The following THADA variants were observed in gnomAD, a reference collection of about 807,000 sequenced individuals.
THADA encodes THADA armadillo repeat containing.
THADA carries 213 observed loss-of-function variants against 219.8 expected under a neutral mutation model. The ratio of observed to expected loss-of-function variants is 0.97; its 90% CI spans 0.87 to 1.09. THADA has a LOEUF of 1.09. THADA is among the 50% of genes least tolerant of loss of function. The pLI is 0.00. For missense variants in THADA, 2,956 were observed against 2,311.3 expected, an observed-to-expected ratio of 1.28 and a Z score of -5.72; for synonymous variants, 1,018 against 828.9, an observed-to-expected ratio of 1.23 and a Z score of -3.92.
At chr2:43,507,540 C>G (rs1681370117) in intron 23 of THADA, among the ~76,000 whole-genome samples, 1 of 152,140 alleles carries the variant, frequency 6.6e-6, no homozygotes, top group Non-Finnish European at 1.5e-5. Context: ...AAAATCCATT[C>G]AGCAGAACTA....
chr2:43,546,336 T>C (rs898178077), intron 20 of THADA, among the ~76,000 whole-genome samples: 64 of 152,120 alleles, frequency 4.2e-4, no homozygotes, highest in African/African-American at 1.4e-3. Flanking sequence ...CTGAAAAAAA[T>C]GTATATTCTG....
At chr2:43,428,726 A>T (rs1363593200) in intron 27 of THADA, among the ~76,000 whole-genome samples, 1 of 152,074 alleles carries the variant, frequency 6.6e-6, no homozygotes, top group African/African-American at 2.4e-5. Context: ...AAAAACTACT[A>T]GCAAAACAGG....
At position 43,556,329 on chromosome 2, in the gene THADA, A is replaced by C; in HGVS notation, c.2674+16T>G. The stretch of plus-strand genomic sequence containing the variant: ...CTAAGCTATTCGTTTTGATAAGAGC[A>C]AACATCAATACAAACCCATTAATGT... On this transcript the variant is annotated intron_variant, in intron 17 of 37. Transcript: ENST00000405975. 6.2e-7 allele frequency: 1 copy of C among 1,612,308 alleles called. No individual in the cohort carries two copies. The highest frequency in any genetic ancestry group is 8.5e-7 in the Non-Finnish European group (1 of 1,178,876).
chr2:43,350,402 A>AAG (rs563469282), intron 29 of THADA, among the ~76,000 whole-genome samples: 185 of 152,340 alleles, frequency 1.2e-3, no homozygotes, highest in Middle Eastern at 0.01. Flanking sequence ...GTGGGAAGGC[A>AAG]AGAGAGAGAA....
chr2:43,364,485 C>T (rs1420318173), intron 29 of THADA, among the ~76,000 whole-genome samples: 1 of 152,142 alleles, frequency 6.6e-6, no homozygotes, highest in African/African-American at 2.4e-5. Context: ...CTTATGCTGA[C>T]AGCACACCAC....
intron 36 of THADA, among the ~76,000 whole-genome samples, chr2:43,247,354 A>G (rs1669257282): frequency 6.6e-6 from 1 of 152,224 alleles, no homozygotes; most frequent in Non-Finnish European, 1.5e-5. Flanking sequence ...GATTTGGTGG[A>G]AACAAACACA....
intron 11 of THADA, 92 bp from the exon 12 acceptor site, chr2:43,573,084 A>T (rs980402460): frequency 9.7e-7 from 1 of 1,027,352 alleles, no homozygotes; most frequent in African/African-American, 1.7e-5. Context: ...TTAACATTTT[A>T]TTTCAATAAA....
At chr2:43,407,969 T>C (rs191350361) in intron 28 of THADA, among the ~76,000 whole-genome samples, 25 of 152,346 alleles carry the variant, frequency 1.6e-4, no homozygotes, top group Admixed American at 6.5e-4. Context: ...GTAGGCAATT[T>C]ATCCCACTAA....
At chr2:43,542,376 T>G (rs536814126) in intron 20 of THADA, among the ~76,000 whole-genome samples, 7 of 152,244 alleles carry the variant, frequency 4.6e-5, no homozygotes, top group Non-Finnish European at 1.0e-4. Flanking sequence ...TGTTTGAAAC[T>G]ATTACAATAG....
At chr2:43,317,853 T>C (rs1200318300) in intron 31 of THADA, among the ~76,000 whole-genome samples, 2 of 152,216 alleles carry the variant, frequency 1.3e-5, no homozygotes, top group Admixed American at 1.3e-4. Context: ...ATGAGTCATA[T>C]ATATGTAATT....
At chr2:43,303,427 G>A (rs1676486069) in intron 31 of THADA, among the ~76,000 whole-genome samples, 1 of 152,128 alleles carries the variant, frequency 6.6e-6, no homozygotes, top group South Asian at 2.1e-4. Context: ...CTTGAGCAGG[G>A]ATGGCATCAT....
intron 25 of THADA, among the ~76,000 whole-genome samples, chr2:43,491,694 G>C (rs915251054): frequency 2.6e-5 from 4 of 152,184 alleles, no homozygotes; most frequent in Non-Finnish European, 5.9e-5. Context: ...TAGGTGTGGA[G>C]TAGGCTATAC....
chr2:43,439,983 T>C (rs1168977577), intron 26 of THADA, among the ~76,000 whole-genome samples: 4 of 152,228 alleles, frequency 2.6e-5, no homozygotes, highest in Non-Finnish European at 5.9e-5. Flanking sequence ...TATTGAACAT[T>C]TTATCCAAAA....
chr2:43,501,329 A>AG, intron 24 of THADA, among the ~76,000 whole-genome samples: 1 of 146,376 alleles, frequency 6.8e-6, no homozygotes, highest in Admixed American at 6.7e-5. Context: ...AAAAAAAAAA[A>AG]AAAAAAAAAA....
chr2:43,298,203 C>G (rs1437100036), intron 31 of THADA, among the ~76,000 whole-genome samples: 2 of 78,062 alleles, frequency 2.6e-5, no homozygotes, highest in Non-Finnish European at 4.6e-5. Context: ...GTTGCCGTGT[C>G]TGTGTAGAAA....
At chr2:43,393,695 G>A (rs1322671137) in intron 29 of THADA, among the ~76,000 whole-genome samples, 4 of 146,362 alleles carry the variant, frequency 2.7e-5, no homozygotes, top group South Asian at 4.4e-4. Context: ...GCAACAGAGC[G>A]AGACTCCGTC....
chr2:43,419,631 G>T (rs1436907815), intron 28 of THADA, among the ~76,000 whole-genome samples: 2 of 152,034 alleles, frequency 1.3e-5, no homozygotes, highest in Non-Finnish European at 2.9e-5. Context: ...GTTCTCTACT[G>T]TGTAGGATGA....
At chr2:43,472,108 A>G (rs1227267373) in intron 26 of THADA, among the ~76,000 whole-genome samples, 1 of 152,232 alleles carries the variant, frequency 6.6e-6, no homozygotes, top group Non-Finnish European at 1.5e-5. Context: ...GTTTCCAGAG[A>G]AAGAAACCTC....
At chr2:43,336,167 G>C (rs1235613865) in intron 30 of THADA, among the ~76,000 whole-genome samples, 1 of 152,118 alleles carries the variant, frequency 6.6e-6, no homozygotes, top group African/African-American at 2.4e-5. Context: ...GCTGAGGTGA[G>C]AGGATCACTT....
Sources: gnomAD v4.1 joint callset for allele counts (sites outside exome capture counted in the v4.1 genomes callset) on GRCh38, gnomAD v4.1.1 for gene constraint, MANE v1.5 for transcripts, NCBI Gene and HGNC (gene_info 2026-07-23, HGNC 2026-07-21) for gene names.